Variants in FAM163B observed in about 807,000 individuals in gnomAD.
The protein encoded by FAM163B is protein FAM163B.
In FAM163B, 4 loss-of-function variants were observed where a neutral mutation model predicts 7.6. The observed-to-expected ratio is 0.52, with a 90% CI of 0.26 to 1.20. The LOEUF is 1.20. FAM163B is among the 50% of genes most tolerant of loss of function. The pLI, the probability that FAM163B is intolerant of heterozygous loss-of-function variation, is 0.14. For synonymous variants in FAM163B, 120 were observed against 111.6 expected (o/e 1.07, Z -0.47); for missense variants, 250 against 243.0 (o/e 1.03, Z -0.19).
At chr9:133,608,921 A>C (rs1456185251) in intron 1 of FAM163B, among the ~76,000 whole-genome samples, 156 bp downstream of exon 1, 1 of 152,184 alleles carries the variant, frequency 6.6e-6, no homozygotes, top group Non-Finnish European at 1.5e-5. Flanking sequence ...GGTGGAAGCC[A>C]GGGGATGGGT....
rs1042891128 is a variant in FAM163B at position 133,578,933 on chromosome 9, C to G, written c.*89G>C. ...TCCAGGAGGGCTCAGCCAAGCCCCA[C>G]TTGGGGCCTGGGGCCAGGTGGGTGT... is the stretch of plus-strand genomic sequence containing the variant. On this transcript the variant is annotated 3_prime_UTR_variant, in exon 3 of 3. Transcript: ENST00000673969. 8.3e-6 allele frequency: 12 copies of G among 1,438,074 alleles called. No homozygotes were observed. Among genetic ancestry groups the G allele is most frequent in the Admixed American group, 2.9e-5 (1 of 35,002 alleles). 89.1% of individuals were successfully genotyped at this position (1,438,074 alleles called of 1,614,324 possible). A position where few individuals can be genotyped will look rare whatever the true frequency, so the allele number is the denominator to read the frequency against.
At chr9:133,586,553 C>A (rs1564191749) in intron 1 of FAM163B, among the ~76,000 whole-genome samples, 2 of 152,208 alleles carry the variant, frequency 1.3e-5, no homozygotes, top group Admixed American at 6.5e-5. Flanking sequence ...TCCCCCCAGA[C>A]CCCAGCTGGA....
intron 1 of FAM163B, among the ~76,000 whole-genome samples, chr9:133,585,408 C>T (rs954596605): frequency 6.6e-6 from 1 of 152,268 alleles, no homozygotes; most frequent in African/African-American, 2.4e-5. Flanking sequence ...CCACATCCCC[C>T]TCACTTGCCG....
chr9:133,592,808 G>A lies in FAM163B; in HGVS notation c.-23-12562C>T, dbSNP rs536584572. Among the ~76,000 whole-genome samples, 234 of 152,242 alleles carry A rather than the reference G, an allele frequency of 1.5e-3. 2 individuals carry two copies. The highest frequency in any genetic ancestry group is 5.2e-3 in the African/African-American group (214 of 41,550). On this transcript the variant is annotated intron_variant, in intron 1 of 2. Coordinates refer to ENST00000673969, the MANE Select transcript of FAM163B (RefSeq NM_001080515.3). ...TCAGAAACTCTGGGGGTGAGGTCCAGCAAGCCCCCGAGAGGATTCTGACCG... is the reference window on the plus strand; with the variant it reads ...TCAGAAACTCTGGGGGTGAGGTCCAACAAGCCCCCGAGAGGATTCTGACCG...
intron 1 of FAM163B, among the ~76,000 whole-genome samples, chr9:133,588,342 G>A (rs1471898807): frequency 6.6e-6 from 1 of 152,132 alleles, no homozygotes; most frequent in Non-Finnish European, 1.5e-5. Flanking sequence ...TGTCAGGAAG[G>A]CTACCACGCT....
chr9:133,599,213 C>T (rs1831675306), intron 1 of FAM163B, among the ~76,000 whole-genome samples: 1 of 152,200 alleles, frequency 6.6e-6, no homozygotes, highest in Non-Finnish European at 1.5e-5. Flanking sequence ...ACACACTGCT[C>T]CATCGACTCG....
At chr9:133,604,012 T>C (rs1280004832) in intron 1 of FAM163B, among the ~76,000 whole-genome samples, 1 of 152,178 alleles carries the variant, frequency 6.6e-6, no homozygotes, top group Non-Finnish European at 1.5e-5. Context: ...GCTCTCTTTT[T>C]TGTATTTTTA....
chr9:133,581,521 C>T (rs1196929656), intron 1 of FAM163B, among the ~76,000 whole-genome samples: 1 of 152,152 alleles, frequency 6.6e-6, no homozygotes, highest in Non-Finnish European at 1.5e-5. Context: ...CTACGTTTAG[C>T]TTTCTCCTGT....
At chr9:133,602,543 C>T (rs561001744) in intron 1 of FAM163B, among the ~76,000 whole-genome samples, 2 of 152,212 alleles carry the variant, frequency 1.3e-5, no homozygotes, top group Admixed American at 6.5e-5. Context: ...GACGGCTCAG[C>T]CCAGGGGTGA....
chr9:133,594,055 G>A (rs1017915839), intron 1 of FAM163B, among the ~76,000 whole-genome samples: 3 of 152,248 alleles, frequency 2.0e-5, no homozygotes, highest in African/African-American at 7.2e-5. Context: ...GTGCCAACTG[G>A]TAGGACTTCA....
chr9:133,588,165 C>G (rs556201635), intron 1 of FAM163B, among the ~76,000 whole-genome samples: 1 of 152,286 alleles, frequency 6.6e-6, no homozygotes, highest in Non-Finnish European at 1.5e-5. Context: ...AATTGCAGAC[C>G]CTGTTCAAAA....
chr9:133,579,076 G>A lies in FAM163B; in HGVS notation c.447C>T (p.Leu149=). Residue 149 remains leucine (L), a synonymous_variant, in exon 3 of 3, where the codon CTC becomes CTT. Coordinates refer to ENST00000673969, the MANE Select transcript of FAM163B (RefSeq NM_001080515.3). The stretch of plus-strand genomic sequence containing the variant: ...TGGCGAAGGCCTCCCGCATGGCTGA[G>A]AGGCGGTTGGGGTTGAGCGCCTGCA... ...GGLQALNPNR[L]SAMREAFARS... is the part of the protein sequence containing the mutation. 1 of 1,592,572 alleles carries A rather than the reference G, an allele frequency of 6.3e-7. No homozygotes were observed. The highest frequency in any genetic ancestry group is 1.3e-5 in the African/African-American group (1 of 74,772).
In FAM163B at chr9:133,600,352, C is replaced by A. The variant is rs1477599746; in HGVS notation, c.-24+8725G>T. ...AGGTGCAAAGGTAGAGTCCAGCAGC[C>A]TGGCCCATCCCAAAGAGACTGGCTG... On this transcript the variant is annotated intron_variant, in intron 1 of 2. Coordinates refer to ENST00000673969, the MANE Select transcript of FAM163B (RefSeq NM_001080515.3). This position sits in a 1 kb window ranked among gnomAD's most constrained non-coding sequence, Gnocchi z 4.9. 6.6e-6 allele frequency among the ~76,000 whole-genome samples: 1 copy of A among 151,982 alleles called. No homozygotes were observed. The highest frequency in any genetic ancestry group is 1.5e-5 in the Non-Finnish European group (1 of 67,984).
In FAM163B at chr9:133,578,940, C is replaced by A. The variant is rs1275098456; in HGVS notation, c.*82G>T. The A allele has an allele frequency of 7.0e-7, 1 of 1,438,790 alleles. No individual in the cohort carries two copies. Among genetic ancestry groups the A allele is most frequent in the African/African-American group, 1.4e-5 (1 of 69,750 alleles). 89.1% of individuals were successfully genotyped at this position (1,438,790 alleles called of 1,614,324 possible). A position where few individuals can be genotyped will look rare whatever the true frequency, so the allele number is the denominator to read the frequency against. ...GGGCTCAGCCAAGCCCCACTTGGGGCCTGGGGCCAGGTGGGTGTGCCAAAG... is the reference window on the plus strand; with the variant it reads ...GGGCTCAGCCAAGCCCCACTTGGGGACTGGGGCCAGGTGGGTGTGCCAAAG... On this transcript the variant is annotated 3_prime_UTR_variant, in exon 3 of 3. Coordinates refer to ENST00000673969, the MANE Select transcript of FAM163B (RefSeq NM_001080515.3).
chr9:133,591,819 C>T (rs756452926), intron 1 of FAM163B, among the ~76,000 whole-genome samples: 5 of 152,156 alleles, frequency 3.3e-5, no homozygotes, highest in Admixed American at 6.5e-5. Flanking sequence ...GACCCTCACC[C>T]TAGGCCTGTC....
At chr9:133,581,788 C>T (rs1330116002) in intron 1 of FAM163B, among the ~76,000 whole-genome samples, 3 of 152,196 alleles carry the variant, frequency 2.0e-5, no homozygotes, top group Non-Finnish European at 2.9e-5. Context: ...CTCCCAGGGG[C>T]CTGGTGTCTG....
rs887239478 is a variant in FAM163B, at chr9:133,609,360, C to G, written c.-307G>C. Among the ~76,000 whole-genome samples, 15 of 149,678 alleles carry G rather than the reference C, an allele frequency of 1.0e-4. No homozygotes were observed. The highest frequency in any genetic ancestry group is 4.7e-4 in the Admixed American group (7 of 15,050). The stretch of plus-strand genomic sequence containing the variant: ...TCCCTGCGAGCTGCACGCGCGGCTC[C>G]AGCCTGGTCCCGAGCGCAGGGCGCG... On this transcript the variant is annotated 5_prime_UTR_variant, in exon 1 of 3. Transcript: ENST00000673969.
At chr9:133,608,203 C>T (rs1831812578) in intron 1 of FAM163B, among the ~76,000 whole-genome samples, 1 of 152,218 alleles carries the variant, frequency 6.6e-6, no homozygotes, top group Non-Finnish European at 1.5e-5. Context: ...CTCAAGGATA[C>T]TCCCCTTACC....
chr9:133,588,616 A>AAGATCTAGCATGTTGAG (rs1564192600), intron 1 of FAM163B, among the ~76,000 whole-genome samples: 4 of 104,398 alleles, frequency 3.8e-5, no homozygotes, highest in Admixed American at 9.5e-5. Context: ...AGGATGCTGA[A>AAGATCTAGCATGTTGAG]GGATCTAGCA....
Sources: gnomAD v4.1 joint callset for allele counts (sites outside exome capture counted in the v4.1 genomes callset) on GRCh38, gnomAD v4.1.1 for gene constraint, Gnocchi (gnomAD v3.1) non-coding constraint, MANE v1.5 for transcripts, NCBI Gene and HGNC (gene_info 2026-07-23, HGNC 2026-07-21) for gene names.